ANGPT1: variants seen among roughly 807,000 people sequenced by gnomAD.
The protein encoded by ANGPT1 is angiopoietin 1.
A neutral mutation model predicts 62.2 loss-of-function variants in ANGPT1; 17 were observed. The observed-to-expected ratio is 0.27, with a 90% CI of 0.19 to 0.41. The LOEUF is 0.41. Among genes scored for constraint, ANGPT1 ranks in the 10% least tolerant of loss-of-function variants. The pLI, the probability that ANGPT1 is intolerant of heterozygous loss-of-function variation, is 1.00. For missense variants in ANGPT1, 478 were observed against 594.9 expected, an observed-to-expected ratio of 0.80 and a Z score of 2.04; for synonymous variants, 199 against 198.9, an observed-to-expected ratio of 1.00 and a Z score of 0.00.
intron 7 of ANGPT1, among the ~76,000 whole-genome samples, chr8:107,265,140 T>C (rs1332603628): frequency 6.6e-6 from 1 of 152,212 alleles, no homozygotes; most frequent in East Asian, 1.9e-4. Flanking sequence ...GAAACATTTC[T>C]TATATAAAAC....
At chr8:107,380,536 T>G (rs1200942963) in intron 1 of ANGPT1, among the ~76,000 whole-genome samples, 2 of 152,122 alleles carry the variant, frequency 1.3e-5, no homozygotes, top group South Asian at 2.1e-4. Context: ...TAAAAAAAAT[T>G]TATTTCTTAA....
At chr8:107,477,011 C>T (rs1449724186) in intron 1 of ANGPT1, among the ~76,000 whole-genome samples, 6 of 152,134 alleles carry the variant, frequency 3.9e-5, no homozygotes, top group Non-Finnish European at 8.8e-5. Flanking sequence ...AGCACCCCAG[C>T]TTCCAATTAT....
intron 1 of ANGPT1, among the ~76,000 whole-genome samples, chr8:107,472,842 A>C (rs1327947120): frequency 6.6e-6 from 1 of 151,976 alleles, no homozygotes; most frequent in Non-Finnish European, 1.5e-5. Context: ...CATACAACAA[A>C]AGCAGGAAGC....
chr8:107,279,421 T>C (rs1813943985), intron 7 of ANGPT1, among the ~76,000 whole-genome samples: 1 of 152,170 alleles, frequency 6.6e-6, no homozygotes, highest in Non-Finnish European at 1.5e-5. Context: ...ATATACTATA[T>C]CTTAGAGTAT....
At chr8:107,377,933 C>T (rs200423330) in intron 1 of ANGPT1, among the ~76,000 whole-genome samples, 1 of 12,798 alleles carries the variant, frequency 7.8e-5, no homozygotes. Context: ...GAAAAAAAAA[C>T]ATATCAGTTG....
At chr8:107,292,648 T>G (rs1457297085) in intron 6 of ANGPT1, among the ~76,000 whole-genome samples, 1 of 152,194 alleles carries the variant, frequency 6.6e-6, no homozygotes, top group African/African-American at 2.4e-5. Context: ...CAACTTTGTG[T>G]AAGTCCAAAC....
chr8:107,266,551 G>A (rs551703850), intron 7 of ANGPT1, among the ~76,000 whole-genome samples: 2 of 152,314 alleles, frequency 1.3e-5, no homozygotes, highest in African/African-American at 4.8e-5. Context: ...CTCTCCTAGC[G>A]TGAAATCTGC....
intron 7 of ANGPT1, among the ~76,000 whole-genome samples, chr8:107,266,849 A>T (rs559451134): frequency 1.3e-5 from 2 of 152,238 alleles, no homozygotes; most frequent in South Asian, 4.1e-4. Context: ...TTCACATAAG[A>T]TTTACAATCT....
chr8:107,466,151 T>G (rs1387007255), intron 1 of ANGPT1, among the ~76,000 whole-genome samples: 2 of 152,144 alleles, frequency 1.3e-5, no homozygotes, highest in Non-Finnish European at 2.9e-5. Flanking sequence ...TTCCACTTAA[T>G]GTTAGGATGC....
intron 1 of ANGPT1, among the ~76,000 whole-genome samples, chr8:107,463,797 C>G (rs1300847366): frequency 6.6e-6 from 1 of 151,986 alleles, no homozygotes; most frequent in Non-Finnish European, 1.5e-5. Context: ...AAAGAATTGC[C>G]TTAAAAGCTA....
At chr8:107,396,693 C>A (rs1003242038) in intron 1 of ANGPT1, among the ~76,000 whole-genome samples, 1 of 151,494 alleles carries the variant, frequency 6.6e-6, no homozygotes, top group African/African-American at 2.4e-5. Flanking sequence ...GCTAATTTTT[C>A]TGTACGTTTT....
chr8:107,461,623 A>G (rs1812074774), intron 1 of ANGPT1, among the ~76,000 whole-genome samples: 1 of 152,162 alleles, frequency 6.6e-6, no homozygotes, highest in South Asian at 2.1e-4. Context: ...TCACTGTATT[A>G]TGGATTTAAT....
At chr8:107,368,026 G>C (rs1586261733) in intron 1 of ANGPT1, among the ~76,000 whole-genome samples, 1 of 152,164 alleles carries the variant, frequency 6.6e-6, no homozygotes, top group Admixed American at 6.5e-5. Context: ...TTCTAGAATA[G>C]TGAATCCTTT....
intron 4 of ANGPT1, among the ~76,000 whole-genome samples, chr8:107,319,846 T>C (rs191730453): frequency 6.6e-6 from 1 of 152,178 alleles, no homozygotes; most frequent in East Asian, 1.9e-4. Flanking sequence ...GTTAGAACGC[T>C]TAACAGTAAG....
chr8:107,333,987 AGGG>A (rs1815491916), intron 3 of ANGPT1, among the ~76,000 whole-genome samples: 2 of 84,616 alleles, frequency 2.4e-5, no homozygotes, highest in Non-Finnish European at 5.0e-5. Flanking sequence ...GGAGGGAGGG[AGGG>A]AGGGAGGGAA....
intron 6 of ANGPT1, among the ~76,000 whole-genome samples, chr8:107,285,846 T>G (rs1310155084): frequency 1.3e-5 from 2 of 152,078 alleles, no homozygotes; most frequent in Non-Finnish European, 2.9e-5. Context: ...CTGGCCATGT[T>G]GTGAGCTCCC....
At chr8:107,407,347 ATTT>A (rs1379679979) in intron 1 of ANGPT1, among the ~76,000 whole-genome samples, 2 of 152,058 alleles carry the variant, frequency 1.3e-5, no homozygotes, top group Non-Finnish European at 2.9e-5. Context: ...AAATCTACAT[ATTT>A]AAAGCTGTAT....
rs187448993 is a variant in ANGPT1, at chr8:107,323,904, C to T, written c.576-1776G>A. Among the ~76,000 whole-genome samples, 346 of 152,060 alleles carry T rather than the reference C, an allele frequency of 2.3e-3. 3 individuals carry two copies. Among genetic ancestry groups the T allele is most frequent in the Admixed American group, 9.4e-3 (144 of 15,262 alleles). ...ACGCCATTCTCCTGCCTCAGCCTCCCGAGTAGTTGGGACTACAGGCGCCTG... is the reference window on the plus strand; with the variant it reads ...ACGCCATTCTCCTGCCTCAGCCTCCTGAGTAGTTGGGACTACAGGCGCCTG... On this transcript the variant is annotated intron_variant, in intron 3 of 8. Transcript: ENST00000517746.
chr8:107,366,999 AATAGACCCTGC>A (rs1337673412), intron 1 of ANGPT1, among the ~76,000 whole-genome samples: 4 of 152,114 alleles, frequency 2.6e-5, no homozygotes. Flanking sequence ...ACAACGGGGG[AATAGACCCTGC>A]AGCCCCAGTC....
Sources: gnomAD v4.1 joint callset for allele counts (sites outside exome capture counted in the v4.1 genomes callset) on GRCh38, gnomAD v4.1.1 for gene constraint, MANE v1.5 for transcripts, NCBI Gene and HGNC (gene_info 2026-07-23, HGNC 2026-07-21) for gene names.